The following GRB10 variants were observed in gnomAD, a reference collection of about 807,000 sequenced individuals.
GRB10 encodes growth factor receptor bound protein 10, also known as growth factor receptor-bound protein 10.
A neutral mutation model predicts 80.9 loss-of-function variants in GRB10; 20 were observed. That is an observed-to-expected ratio of 0.25 (90% CI 0.17 to 0.36). GRB10 has a LOEUF of 0.36. Ranked by LOEUF, GRB10 falls within the 10% of genes least tolerant of loss-of-function variation. The pLI is 1.00. For synonymous variants in GRB10, 291 were observed against 291.5 expected (o/e 1.00, Z 0.02); for missense variants, 548 against 747.7 (o/e 0.73, Z 3.12).
intron 7 of GRB10, among the ~76,000 whole-genome samples, chr7:50,636,209 G>C (rs750919711): frequency 7.9e-5 from 12 of 151,990 alleles, no homozygotes; most frequent in African/African-American, 1.2e-4. Flanking sequence ...GAACTCATGA[G>C]CTCAGGTGAT....
At chr7:50,670,775 G>A (rs993371552) in intron 6 of GRB10, among the ~76,000 whole-genome samples, 10 of 152,206 alleles carry the variant, frequency 6.6e-5, no homozygotes, top group African/African-American at 2.4e-4. Flanking sequence ...TCTGAATTAT[G>A]CAATGGATGG....
intron 2 of GRB10, among the ~76,000 whole-genome samples, chr7:50,769,966 G>A (rs772899979): frequency 2.6e-5 from 4 of 152,152 alleles, no homozygotes; most frequent in Non-Finnish European, 4.4e-5. Context: ...AGAAACGGTC[G>A]TATATACCTG....
chr7:50,706,646 G>A (rs775483078), intron 4 of GRB10, among the ~76,000 whole-genome samples: 30 of 152,236 alleles, frequency 2.0e-4, no homozygotes, highest in Non-Finnish European at 3.4e-4. Flanking sequence ...TAATGCTGAG[G>A]TTGAACATTT....
chr7:50,783,436 T>TCACACACACA (rs10647493), upstream of GRB10, among the ~76,000 whole-genome samples: 9 of 150,112 alleles, frequency 6.0e-5, no homozygotes, highest in Non-Finnish European at 1.0e-4. Flanking sequence ...CACACACACC[T>TCACACACACA]CACACACACA....
At chr7:50,616,455 T>C (rs1343050200) in intron 10 of GRB10, 108 bp from the exon 11 acceptor site, 7 of 1,068,734 alleles carry the variant, frequency 6.5e-6, no homozygotes, top group Non-Finnish European at 9.7e-6. Context: ...AGACTCCTTT[T>C]TGGATCAAAA....
chr7:50,630,167 C>A (rs897769612), intron 7 of GRB10, among the ~76,000 whole-genome samples: 31 of 152,186 alleles, frequency 2.0e-4, no homozygotes, highest in Non-Finnish European at 2.4e-4. Flanking sequence ...CTCTGAGAAT[C>A]AGTAATGTAA....
chr7:50,741,812 A>T (rs995641790), intron 3 of GRB10, among the ~76,000 whole-genome samples: 2 of 152,108 alleles, frequency 1.3e-5, no homozygotes, highest in African/African-American at 4.8e-5. Flanking sequence ...AGGGAAATAT[A>T]CAGTCAAAAA....
At position 50,656,193 on chromosome 7, in the gene GRB10, G is replaced by T. The variant is rs986486680; in HGVS notation, c.504+13529C>A. Among the ~76,000 whole-genome samples the T allele has an allele frequency of 6.6e-5, 10 of 152,332 alleles. No homozygotes were observed. The Middle Eastern group carries it at 0.01, about 155-fold the overall frequency. On this transcript the variant is annotated intron_variant, in intron 7 of 18. Transcript: ENST00000401949. ...GGAAGTTGGAACCCTGAGGAGACAG[G>T]CGCGGGCTGAGCGCAGAGTGTGAGA...
intron 3 of GRB10, among the ~76,000 whole-genome samples, chr7:50,748,013 G>A (rs929106809): frequency 2.6e-5 from 4 of 152,082 alleles, no homozygotes; most frequent in African/African-American, 9.7e-5. Context: ...CGTGCAGGTG[G>A]CAAATTCTAG....
At chr7:50,656,547 G>A (rs998319284) in intron 7 of GRB10, among the ~76,000 whole-genome samples, 5 of 152,204 alleles carry the variant, frequency 3.3e-5, no homozygotes, top group African/African-American at 1.2e-4. Context: ...TATACACCCA[G>A]AAATAGCCAC....
At chr7:50,680,037 A>C (rs2061380208) in intron 5 of GRB10, among the ~76,000 whole-genome samples, 1 of 152,256 alleles carries the variant, frequency 6.6e-6, no homozygotes, top group Non-Finnish European at 1.5e-5. Context: ...TAGAATAAGA[A>C]AACCAGGTAT....
At chr7:50,628,394 C>T (rs913069140) in intron 7 of GRB10, among the ~76,000 whole-genome samples, 11 of 152,104 alleles carry the variant, frequency 7.2e-5, no homozygotes, top group African/African-American at 2.7e-4. Context: ...TTTCTGTGGC[C>T]GGCGTGGAGT....
rs2078358930 is a variant in GRB10, at chr7:50,782,214, G to A, written c.-327+210C>T. On this transcript the variant is annotated intron_variant, in intron 1 of 18. Transcript: ENST00000401949. The surrounding 1 kb of genome is among the most constrained non-coding windows in gnomAD (Gnocchi z 6.6). ...TACATAATACTGTCCTATGGCTGGC[G>A]GCAACGAAGCTCGGGATCTCGGACT... Among the ~76,000 whole-genome samples the A allele has an allele frequency of 2.6e-5, 4 of 152,124 alleles. No individual in the cohort carries two copies. In the South Asian group the frequency reaches 8.3e-4, roughly 31 times the overall value.
chr7:50,591,641 C>G lies in GRB10; in HGVS notation c.*1311G>C, dbSNP rs1266594487. 1 of 152,310 alleles carries G rather than the reference C, an allele frequency of 6.6e-6. No individual in the cohort carries two copies. Among genetic ancestry groups the G allele is most frequent in the Non-Finnish European group, 1.5e-5 (1 of 68,096 alleles). The allele number at this position is 152,310 out of a possible 1,614,324, so 9.4% of individuals were successfully genotyped here. ...ACCAAGTGACAACTCAAGCCACCATCTGACTCATCTCCCGGAGCGGGGACA... is the reference window on the plus strand; with the variant it reads ...ACCAAGTGACAACTCAAGCCACCATGTGACTCATCTCCCGGAGCGGGGACA... On this transcript the variant is annotated 3_prime_UTR_variant, in exon 19 of 19. Transcript: ENST00000401949.
chr7:50,641,279 T>C (rs2282924), intron 7 of GRB10, among the ~76,000 whole-genome samples: 24 of 150,514 alleles, frequency 1.6e-4, no homozygotes, highest in African/African-American at 3.2e-4. Context: ...TCAAAAAAGG[T>C]GGGGGGGTAG....
At chr7:50,694,095 G>A (rs922939463) in intron 5 of GRB10, among the ~76,000 whole-genome samples, 5 of 152,046 alleles carry the variant, frequency 3.3e-5, no homozygotes, top group Non-Finnish European at 7.4e-5. Flanking sequence ...ATCCCAGCAC[G>A]GACAGATCAC....
intron 2 of GRB10, among the ~76,000 whole-genome samples, chr7:50,759,073 G>A (rs2075431008): frequency 6.6e-6 from 1 of 151,686 alleles, no homozygotes. Context: ...GGTGACTGTA[G>A]TCCCAGCTAC....
chr7:50,662,541 T>A (rs192228273), intron 7 of GRB10, among the ~76,000 whole-genome samples: 10 of 152,248 alleles, frequency 6.6e-5, no homozygotes, highest in Admixed American at 2.6e-4. Flanking sequence ...AGTGCTGACC[T>A]CAGAGGTCTG....
rs139096834 is a variant in GRB10, at chr7:50,621,586, C to T, written c.662-2301G>A. 4.2e-3 allele frequency among the ~76,000 whole-genome samples: 642 copies of T among 152,302 alleles called. 7 individuals carry two copies. The highest frequency in any genetic ancestry group is 0.014 in the African/African-American group (602 of 41,558). ...TCCAGGCACCAGTGTTCCAGTTGGC[C>T]ATCGACTGCACATCTGTTCAAAGAT... On this transcript the variant is annotated intron_variant, in intron 8 of 18. Coordinates refer to ENST00000401949, the MANE Select transcript of GRB10 (RefSeq NM_001350814.2).
Sources: gnomAD v4.1 joint callset for allele counts (sites outside exome capture counted in the v4.1 genomes callset) on GRCh38, gnomAD v4.1.1 for gene constraint, Gnocchi (gnomAD v3.1) non-coding constraint, MANE v1.5 for transcripts, NCBI Gene and HGNC (gene_info 2026-07-23, HGNC 2026-07-21) for gene names.